Variants in LMO1 observed in about 807,000 individuals in gnomAD.
LMO1 encodes the protein rhombotin-1.
A neutral mutation model predicts 18.0 loss-of-function variants in LMO1; 10 were observed. That is an observed-to-expected ratio of 0.55 (90% CI 0.34 to 0.94). The LOEUF (loss-of-function observed/expected upper bound fraction) is 0.94, where lower values mean the gene tolerates loss of function less well. Ranked by LOEUF, LMO1 falls within the 40% of genes least tolerant of loss-of-function variation. The probability of loss-of-function intolerance (pLI) is 0.02; values close to 1 mark genes in which losing one functional copy is unlikely to be tolerated. For missense variants in LMO1, 183 were observed against 205.7 expected, an observed-to-expected ratio of 0.89 and a Z score of 0.68; for synonymous variants, 77 against 77.9, an observed-to-expected ratio of 0.99 and a Z score of 0.06.
chr11:8,258,938 C>G (rs904976930), intron 1 of LMO1, among the ~76,000 whole-genome samples: 3 of 152,182 alleles, frequency 2.0e-5, no homozygotes, highest in Non-Finnish European at 2.9e-5. Flanking sequence ...AGTCCTAATG[C>G]TCCTGAAAGG....
Position 8,232,188 on chromosome 11 carries a change from C to A in LMO1, c.26-1684G>T, listed in dbSNP as rs558036554. On this transcript the variant is annotated intron_variant, in intron 1 of 3. Transcript: ENST00000335790. ...CCCTCCTCCTTCTCCTCCCTGCAGT[C>A]CCGGCAGGGCCTGTCTGTTAGCTGG... Among the ~76,000 whole-genome samples the A allele has an allele frequency of 5.9e-5, 9 of 152,288 alleles. No homozygotes were observed. In the South Asian group the frequency reaches 1.9e-3, roughly 32 times the overall value.
intron 1 of LMO1, among the ~76,000 whole-genome samples, chr11:8,233,754 C>T (rs188904166): frequency 1.3e-3 from 199 of 151,706 alleles, no homozygotes; most frequent in South Asian, 7.6e-3. Flanking sequence ...TCTTCCCTCC[C>T]TCCTTCCCCA....
chr11:8,255,016 C>T (rs1245530214), intron 1 of LMO1, among the ~76,000 whole-genome samples: 2 of 152,168 alleles, frequency 1.3e-5, no homozygotes, highest in Non-Finnish European at 2.9e-5. Context: ...GGACTGATTA[C>T]AAAAATGGCC....
intron 1 of LMO1, among the ~76,000 whole-genome samples, chr11:8,254,397 T>G (rs1217112190): frequency 6.6e-6 from 1 of 152,254 alleles, no homozygotes; most frequent in Non-Finnish European, 1.5e-5. Context: ...AGCTGGTTTA[T>G]GAATGTACAC....
chr11:8,258,672 AGACACAGGGT>A (rs1226649688), intron 1 of LMO1, among the ~76,000 whole-genome samples: 2 of 152,208 alleles, frequency 1.3e-5, no homozygotes, highest in East Asian at 3.8e-4. Flanking sequence ...TCTGACTCTG[AGACACAGGGT>A]GACACAGGGT....
chr11:8,228,909 A>G (rs1398864606), intron 2 of LMO1, among the ~76,000 whole-genome samples: 1 of 152,066 alleles, frequency 6.6e-6, no homozygotes, highest in African/African-American at 2.4e-5. Context: ...CTTTTTTGAG[A>G]CAGGGTCTTG....
chr11:8,255,597 T>A (rs925819657), intron 1 of LMO1, among the ~76,000 whole-genome samples: 10 of 152,136 alleles, frequency 6.6e-5, no homozygotes, highest in African/African-American at 9.7e-5. Context: ...GGCCATGCAG[T>A]CTTGTCACGC....
At chr11:8,227,371 C>T (rs545654584) in intron 2 of LMO1, among the ~76,000 whole-genome samples, 1 of 152,234 alleles carries the variant, frequency 6.6e-6, no homozygotes, top group Non-Finnish European at 1.5e-5. Flanking sequence ...CCCTCCCAGG[C>T]TCCCACAAGG....
intron 2 of LMO1, 58 bp downstream of exon 2, chr11:8,230,233 G>C: frequency 6.6e-7 from 1 of 1,508,754 alleles, no homozygotes; most frequent in African/African-American, 1.4e-5. Flanking sequence ...CTGGGGCTGA[G>C]GATGGGGAGC....
chr11:8,242,438 C>T (rs570597617), intron 1 of LMO1, among the ~76,000 whole-genome samples: 1 of 152,316 alleles, frequency 6.6e-6, no homozygotes, highest in African/African-American at 2.4e-5. Flanking sequence ...AAAATGACTA[C>T]TCTTCCCTGT....
chr11:8,255,858 C>T lies in LMO1; in HGVS notation c.25+7480G>A, dbSNP rs578065643. Among the ~76,000 whole-genome samples, 3 of 118,282 alleles carry T rather than the reference C, an allele frequency of 2.5e-5. No homozygotes were observed. The South Asian group carries it at 8.4e-4, about 33-fold the overall frequency. The allele number at this position is 118,282 out of a possible 152,430, so 77.6% of individuals were successfully genotyped here. On this transcript the variant is annotated intron_variant, in intron 1 of 3. Coordinates refer to ENST00000335790, the MANE Select transcript of LMO1 (RefSeq NM_002315.3). ...TTTTTTTTTTTGAGACGGAGTCTCG[C>T]TCTGTCGCCCAGGCTGGAGTGCAGT...
chr11:8,237,084 G>C (rs969885998), intron 1 of LMO1, among the ~76,000 whole-genome samples: 25 of 151,960 alleles, frequency 1.6e-4, no homozygotes, highest in African/African-American at 5.8e-4. Flanking sequence ...TACCCTCATG[G>C]ACCCACGTGC....
At chr11:8,250,044 ATT>A (rs11357195) in intron 1 of LMO1, among the ~76,000 whole-genome samples, 4 of 150,520 alleles carry the variant, frequency 2.7e-5, no homozygotes, top group South Asian at 2.1e-4. Flanking sequence ...ACCTTTCCCC[ATT>A]TTTTTTTTAT....
chr11:8,261,539 C>A (rs1847186615), intron 1 of LMO1, among the ~76,000 whole-genome samples: 1 of 152,190 alleles, frequency 6.6e-6, no homozygotes, highest in Non-Finnish European at 1.5e-5. Context: ...CGTACAGAGC[C>A]CGAGTCTTCT....
intron 1 of LMO1, among the ~76,000 whole-genome samples, chr11:8,258,685 C>T (rs901467127): frequency 3.9e-5 from 6 of 152,194 alleles, no homozygotes; most frequent in African/African-American, 1.4e-4. Context: ...CACAGGGTGA[C>T]ACAGGGTGGG....
intron 1 of LMO1, among the ~76,000 whole-genome samples, chr11:8,262,291 G>A (rs996706084): frequency 2.0e-5 from 3 of 152,058 alleles, no homozygotes; most frequent in African/African-American, 7.2e-5. Flanking sequence ...GGCAGCGTGG[G>A]CACCAACAGT....
At chr11:8,265,969 T>C (rs1419456990), upstream of LMO1, among the ~76,000 whole-genome samples, 1 of 152,106 alleles carries the variant, frequency 6.6e-6, no homozygotes, top group East Asian at 1.9e-4. Context: ...TTTGTCTGAA[T>C]ACCAGCTCAC....
intron 1 of LMO1, among the ~76,000 whole-genome samples, chr11:8,249,240 C>A (rs1016174820): frequency 6.6e-5 from 10 of 152,182 alleles, no homozygotes; most frequent in African/African-American, 2.2e-4. Flanking sequence ...CCTGCACAGA[C>A]CCAGACTGCG....
intron 1 of LMO1, among the ~76,000 whole-genome samples, chr11:8,244,531 C>T (rs959337968): frequency 3.9e-5 from 6 of 152,204 alleles, no homozygotes; most frequent in Admixed American, 3.3e-4. Flanking sequence ...AAATACAACG[C>T]TAATTAGTTT....
Sources: allele counts gnomAD v4.1 joint callset (sites outside exome capture counted in the v4.1 genomes callset), GRCh38; gene constraint gnomAD v4.1.1; transcripts MANE v1.5; gene names NCBI Gene and HGNC (gene_info 2026-07-23, HGNC 2026-07-21).